HYCC1: variants seen among roughly 807,000 people sequenced by gnomAD.
The protein encoded by HYCC1 is hyccin PI4KA lipid kinase complex subunit 1, also known as hyccin.
At chr7:23,001,112 C>A in the HYCC1 span, among the ~76,000 whole-genome samples, 1 of 152,124 alleles carries the variant, frequency 6.6e-6, no homozygotes, top group Non-Finnish European at 1.5e-5. Flanking sequence ...CCAAATGTGT[C>A]ATACATAGCA....
At chr7:22,960,160 C>T in the HYCC1 span, 1 of 1,278,066 alleles carries the variant, frequency 7.8e-7, no homozygotes, top group Non-Finnish European at 1.1e-6. Context: ...TTCCAGATTA[C>T]TATTTACTGA....
At chr7:22,911,287 T>A in the HYCC1 span, among the ~76,000 whole-genome samples, 2 of 152,228 alleles carry the variant, frequency 1.3e-5, no homozygotes, top group African/African-American at 4.8e-5. Context: ...ATTTGTTTAT[T>A]GTTAATTACA....
the HYCC1 span, among the ~76,000 whole-genome samples, chr7:22,905,786 A>G: frequency 3.3e-4 from 51 of 152,336 alleles, no homozygotes; most frequent in African/African-American, 1.2e-3. Flanking sequence ...AAAATGAAAT[A>G]TATTAAGTTA....
At chr7:22,951,524 A>G in the HYCC1 span, among the ~76,000 whole-genome samples, 1 of 151,950 alleles carries the variant, frequency 6.6e-6, no homozygotes, top group Non-Finnish European at 1.5e-5. Flanking sequence ...AAACAAAGTC[A>G]TACACATTCT....
At chr7:22,959,137 C>T in the HYCC1 span, among the ~76,000 whole-genome samples, 6 of 152,136 alleles carry the variant, frequency 3.9e-5, no homozygotes, top group Non-Finnish European at 1.5e-5. Context: ...TTGCTATTGG[C>T]AAACATCACC....
At chr7:23,004,453 T>C in the HYCC1 span, among the ~76,000 whole-genome samples, 1 of 152,348 alleles carries the variant, frequency 6.6e-6, no homozygotes, top group Admixed American at 6.5e-5. Context: ...CTGCTTTAAT[T>C]ACCATCTTGT....
At chr7:22,968,936 G>T in the HYCC1 span, among the ~76,000 whole-genome samples, 1 of 151,786 alleles carries the variant, frequency 6.6e-6, no homozygotes, top group South Asian at 2.1e-4. Context: ...CAATGAGCTG[G>T]GATCACGCCA....
the HYCC1 span, chr7:22,934,197 CTTTTT>C: frequency 1.0e-5 from 1 of 99,802 alleles, no homozygotes; most frequent in African/African-American, 3.7e-5. Context: ...GTTTCCGCCT[CTTTTT>C]TTTCTTTTTT....
the HYCC1 span, among the ~76,000 whole-genome samples, chr7:22,915,770 C>T: frequency 3.3e-5 from 5 of 152,186 alleles, no homozygotes. Context: ...AGCCGGGCTT[C>T]TAAACCTCTT....
chr7:22,972,034 T>A, the HYCC1 span, among the ~76,000 whole-genome samples: 1 of 152,174 alleles, frequency 6.6e-6, no homozygotes, highest in Non-Finnish European at 1.5e-5. Flanking sequence ...TGACCTTATA[T>A]CAGATATGCT....
the HYCC1 span, among the ~76,000 whole-genome samples, chr7:22,922,259 T>C: frequency 0.4 from 61,540 of 151,974 alleles, 12,472 homozygotes; most frequent in East Asian, 0.48. Flanking sequence ...AAATATCCAA[T>C]TGAAAGACAG....
the HYCC1 span, among the ~76,000 whole-genome samples, chr7:22,920,000 C>T: frequency 6.6e-6 from 1 of 152,122 alleles, no homozygotes; most frequent in Non-Finnish European, 1.5e-5. Flanking sequence ...CAAATTCAGA[C>T]ACATGAGAGT....
chr7:22,999,408 G>C, the HYCC1 span, among the ~76,000 whole-genome samples: 2 of 152,128 alleles, frequency 1.3e-5, no homozygotes, highest in Non-Finnish European at 2.9e-5. Flanking sequence ...AAATGATAAA[G>C]TTTATGTTAA....
At chr7:22,920,960 C>T in the HYCC1 span, among the ~76,000 whole-genome samples, 1 of 152,124 alleles carries the variant, frequency 6.6e-6, no homozygotes, top group Non-Finnish European at 1.5e-5. Context: ...CTCTCTTGCT[C>T]CCTCTCTTGC....
the HYCC1 span, chr7:22,976,952 C>A: frequency 3.2e-6 from 2 of 619,544 alleles, no homozygotes; most frequent in Non-Finnish European, 5.7e-6. Context: ...ATTTTCTGCT[C>A]GAAGATTTAA....
the HYCC1 span, among the ~76,000 whole-genome samples, chr7:22,966,039 A>C: frequency 3.3e-4 from 50 of 152,324 alleles, no homozygotes; most frequent in Non-Finnish European, 1.5e-5. Flanking sequence ...TTCAGAGAAT[A>C]CTATAGAAAC....
chr7:23,005,824 T>C, the HYCC1 span, among the ~76,000 whole-genome samples: 1 of 152,188 alleles, frequency 6.6e-6, no homozygotes, highest in African/African-American at 2.4e-5. Context: ...TCTATATTTC[T>C]CCAACAATCT....
At chr7:22,976,328 T>C in the HYCC1 span, 1 of 1,524,426 alleles carries the variant, frequency 6.6e-7, no homozygotes, top group Non-Finnish European at 9.1e-7. Flanking sequence ...AAAAAGAATA[T>C]TAACAAATCT....
the HYCC1 span, among the ~76,000 whole-genome samples, chr7:22,897,395 A>T: frequency 6.6e-6 from 1 of 152,226 alleles, no homozygotes; most frequent in Non-Finnish European, 1.5e-5. Flanking sequence ...GATTTTGTCA[A>T]GAGTGGACTC....
Sources: gnomAD v4.1 joint callset for allele counts (sites outside exome capture counted in the v4.1 genomes callset) on GRCh38, gnomAD v4.1.1 for gene constraint, MANE v1.5 for transcripts, NCBI Gene and HGNC (gene_info 2026-07-23, HGNC 2026-07-21) for gene names.